The following ITPR3 variants were observed in gnomAD, a reference collection of about 807,000 sequenced individuals.
ITPR3 encodes the protein inositol 1,4,5-trisphosphate-gated calcium channel ITPR3.
A neutral mutation model predicts 293.2 loss-of-function variants in ITPR3; 173 were observed. That is an observed-to-expected ratio of 0.59 (90% CI 0.52 to 0.67). ITPR3 has a LOEUF of 0.67. ITPR3 is among the 30% of genes least tolerant of loss of function. ITPR3 has a pLI of 0.00. For missense variants in ITPR3, 2,796 were observed against 3,592.1 expected (o/e 0.78, Z 5.66); for synonymous variants, 1,295 against 1,444.4 (o/e 0.90, Z 2.35).
intron 7 of ITPR3, 57 bp downstream of exon 7, chr6:33,659,606 G>GCC: frequency 2.7e-6 from 4 of 1,454,930 alleles, no homozygotes; most frequent in South Asian, 2.3e-5. Context: ...CCCCACCAGG[G>GCC]CCCTCTTCCT....
At chr6:33,661,017 T>C (rs1402924555) in intron 7 of ITPR3, among the ~76,000 whole-genome samples, 1 of 152,198 alleles carries the variant, frequency 6.6e-6, no homozygotes, top group Non-Finnish European at 1.5e-5. Flanking sequence ...TAGAATTATT[T>C]CTGGGGAATC....
Position 33,670,544 on chromosome 6 carries a change from G to T in ITPR3, c.2409G>T (p.Trp803Cys). The T allele has an allele frequency of 1.9e-6, 3 of 1,593,656 alleles. No homozygotes were observed. The highest frequency in any genetic ancestry group is 2.6e-6 in the Non-Finnish European group (3 of 1,169,126). ...CGCCGGTCAAGTTTGCCCGTCTCTG[G>T]ACTGAGATCCCCACAGCCATCACCA... Reference protein sequence around the residue: ...LVTPVKFARLWTEIPTAITIK... With the variant: ...LVTPVKFARLCTEIPTAITIK... Residue 803 changes from tryptophan to cysteine, a missense_variant, in exon 19 of 58, where the codon TGG becomes TGT. By Grantham distance (215) the Trp-to-Cys change is radical (BLOSUM62 -2). Coordinates refer to ENST00000605930, the MANE Select transcript of ITPR3 (RefSeq NM_002224.4). This position sits in a 1 kb window ranked among gnomAD's most constrained non-coding sequence, Gnocchi z 6.7.
intron 1 of ITPR3, among the ~76,000 whole-genome samples, chr6:33,636,609 C>T (rs939324962): frequency 2.6e-5 from 4 of 151,730 alleles, no homozygotes; most frequent in Admixed American, 6.6e-5. Context: ...GAGTTGCCAT[C>T]GACTGAGATG....
intron 1 of ITPR3, among the ~76,000 whole-genome samples, chr6:33,626,225 G>A (rs1055412103): frequency 2.6e-5 from 4 of 152,104 alleles, no homozygotes; most frequent in Admixed American, 6.5e-5. Flanking sequence ...ATGAGCCGCC[G>A]TGCCTGGCCG....
chr6:33,665,760 A>G (rs1181679524), intron 13 of ITPR3, 75 bp from the exon 14 acceptor site: 32 of 1,545,158 alleles, frequency 2.1e-5, no homozygotes, highest in African/African-American at 2.7e-5. Flanking sequence ...ATGTTTTGGG[A>G]GGGACTGGCT....
chr6:33,646,734 A>G (rs1264055658), intron 2 of ITPR3, among the ~76,000 whole-genome samples: 1 of 152,072 alleles, frequency 6.6e-6, no homozygotes, highest in Admixed American at 6.6e-5. Flanking sequence ...CCTGGGCAAC[A>G]TGGCGAAACC....
Position 33,684,186 on chromosome 6 carries a change from G to A in ITPR3, c.4937+18G>A, listed in dbSNP as rs1054508669. The A allele has an allele frequency of 7.5e-6, 12 of 1,608,484 alleles. No individual in the cohort carries two copies. In the Admixed American group the frequency reaches 1.3e-4, roughly 18 times the overall value. On this transcript the variant is annotated intron_variant, in intron 36 of 57. Transcript: ENST00000605930. The surrounding 1 kb of genome is among the most constrained non-coding windows in gnomAD (Gnocchi z 4.2). ...CTGTCCAAGTGAGCGAGACACTGGGGCATGGGGGCAGCAGGGGTGCAGCGG... is the reference window on the plus strand; with the variant it reads ...CTGTCCAAGTGAGCGAGACACTGGGACATGGGGGCAGCAGGGGTGCAGCGG...
At chr6:33,629,028 C>T (rs562678761) in intron 1 of ITPR3, among the ~76,000 whole-genome samples, 1 of 152,256 alleles carries the variant, frequency 6.6e-6, no homozygotes, top group Non-Finnish European at 1.5e-5. Flanking sequence ...GTAGACTTTA[C>T]AGATCACTTA....
Position 33,683,103 on chromosome 6 carries a change from G to A in ITPR3, c.4598-104G>A, listed in dbSNP as rs960343187. 2 of 847,056 alleles carry A rather than the reference G, an allele frequency of 2.4e-6. No individual in the cohort carries two copies. Among genetic ancestry groups the A allele is most frequent in the Non-Finnish European group, 3.5e-6 (2 of 576,442 alleles). The allele number at this position is 847,056 out of a possible 1,614,324, so 52.5% of individuals were successfully genotyped here. A position where few individuals can be genotyped will look rare whatever the true frequency, so the allele number is the denominator to read the frequency against. On this transcript the variant is annotated intron_variant, in intron 34 of 57. Transcript: ENST00000605930. The surrounding 1 kb of genome is among the most constrained non-coding windows in gnomAD (Gnocchi z 4.5). The stretch of plus-strand genomic sequence containing the variant: ...GGGGTCTCTGTCTCCCAGACCCTTG[G>A]TCTAGTTCACTCTGTCTCCTGGTGT...
chr6:33,683,541 A>G lies in ITPR3; in HGVS notation c.4788+144A>G, dbSNP rs972854901. On this transcript the variant is annotated intron_variant, in intron 35 of 57. Coordinates refer to ENST00000605930, the MANE Select transcript of ITPR3 (RefSeq NM_002224.4). This position sits in a 1 kb window ranked among gnomAD's most constrained non-coding sequence, Gnocchi z 4.5. ...GGAAGGGGCTGGTTGGCTTCTCTAC[A>G]CTCTGGGGCTGCTAAGGGCCGACCC... 1 of 725,780 alleles carries G rather than the reference A, an allele frequency of 1.4e-6. No individual in the cohort carries two copies. The highest frequency in any genetic ancestry group is 2.1e-6 in the Non-Finnish European group (1 of 469,850). The allele number at this position is 725,780 out of a possible 1,614,324, so 45.0% of individuals were successfully genotyped here.
In ITPR3 at chr6:33,667,850, C is replaced by T. The variant is rs1764652858; in HGVS notation, c.1772C>T (p.Ala591Val). 6.2e-7 allele frequency: 1 copy of T among 1,614,048 alleles called. No homozygotes were observed. The highest frequency in any genetic ancestry group is 1.1e-5 in the South Asian group (1 of 91,082). ...TCCCAGATTGGCTACGACATCCTGG[C>T]CGAGGACACCATCACTGCCCTGCTG... ...MQSQIGYDIL[A>V]EDTITALLHN... The change falls in exon 16 of 58, where the codon GCC becomes GTC. Residue 591 changes from alanine to valine, a missense_variant. Transcript: ENST00000605930. The surrounding 1 kb of genome is among the most constrained non-coding windows in gnomAD (Gnocchi z 4.4).
In ITPR3 at chr6:33,633,648, C is replaced by T. The variant is rs1424564877; in HGVS notation, c.90-6836C>T. The stretch of plus-strand genomic sequence containing the variant: ...CGGCGTCCTGGCAGCGGCCGGCAGT[C>T]GGAGGCAGGCCGGGGCGAGGCCGCG... On this transcript the variant is annotated intron_variant, in intron 1 of 57. Coordinates refer to ENST00000605930, the MANE Select transcript of ITPR3 (RefSeq NM_002224.4). The surrounding 1 kb of genome is among the most constrained non-coding windows in gnomAD (Gnocchi z 5.2). Among the ~76,000 whole-genome samples the T allele has an allele frequency of 6.6e-6, 1 of 150,780 alleles. No homozygotes were observed. The highest frequency in any genetic ancestry group is 1.5e-5 in the Non-Finnish European group (1 of 67,596).
At chr6:33,644,265 A>G (rs1350946252) in intron 2 of ITPR3, among the ~76,000 whole-genome samples, 2 of 151,406 alleles carry the variant, frequency 1.3e-5, no homozygotes, top group Non-Finnish European at 2.9e-5. Context: ...CCTTTTTGCT[A>G]CGTTTATTTC....
At chr6:33,647,168 G>T (rs999846668) in intron 2 of ITPR3, among the ~76,000 whole-genome samples, 1 of 151,974 alleles carries the variant, frequency 6.6e-6, no homozygotes, top group East Asian at 1.9e-4. Context: ...CTACAGGTGC[G>T]TGCCACCATG....
chr6:33,685,996 C>A, intron 41 of ITPR3, 57 bp from the exon 42 acceptor site: 1 of 1,592,858 alleles, frequency 6.3e-7, no homozygotes, highest in Non-Finnish European at 8.6e-7. Flanking sequence ...GCTTCCCAGG[C>A]CAGCCTCCCT....
Position 33,685,746 on chromosome 6 carries a change from G to A in ITPR3, c.5586G>A (p.Glu1862=), listed in dbSNP as rs1371397484. The A allele has an allele frequency of 1.2e-6, 2 of 1,608,444 alleles. No individual in the cohort carries two copies. The highest frequency in any genetic ancestry group is 1.7e-6 in the Non-Finnish European group (2 of 1,176,390). ...HEVSERVQSS[E]MGTSVLIMQP... is the part of the protein sequence containing the mutation. The stretch of plus-strand genomic sequence containing the variant: ...TGAGCGAACGTGTGCAGAGCAGTGA[G>A]ATGGGCACATCCGTGCTCATCATGC... The change falls in exon 41 of 58, where the codon GAG becomes GAA. Residue 1862 remains glutamate (E), a synonymous_variant. Coordinates refer to ENST00000605930, the MANE Select transcript of ITPR3 (RefSeq NM_002224.4).
At position 33,655,520 on chromosome 6, in the gene ITPR3, G is replaced by A. The variant is rs1020419601; in HGVS notation, c.161-246G>A. Among the ~76,000 whole-genome samples the A allele has an allele frequency of 2.0e-5, 3 of 152,304 alleles. No homozygotes were observed. The highest frequency in any genetic ancestry group is 2.9e-5 in the Non-Finnish European group (2 of 68,020). On this transcript the variant is annotated intron_variant, in intron 2 of 57. Transcript: ENST00000605930. The surrounding 1 kb of genome is among the most constrained non-coding windows in gnomAD (Gnocchi z 4.9). ...TAAATCTCCTAGGGGAAGAGGGCAC[G>A]TGTCCACCCCACCAAGTGAGATGCA...
chr6:33,658,070 TGGGC>T lies in ITPR3; in HGVS notation c.369+53_369+56del. On this transcript the variant is annotated intron_variant, in intron 4 of 57. Transcript: ENST00000605930. This position sits in a 1 kb window ranked among gnomAD's most constrained non-coding sequence, Gnocchi z 6.1. ...CTGCCCCTCTCCCTGCCTAAGAGGC[TGGGC>T]TGGTGCTGGGTGAGGGCTGCCAGCA... 1 of 1,501,074 alleles carries T rather than the reference TGGGC, an allele frequency of 6.7e-7. No individual in the cohort carries two copies. The highest frequency in any genetic ancestry group is 9.2e-7 in the Non-Finnish European group (1 of 1,083,710). 93.0% of individuals were successfully genotyped at this position (1,501,074 alleles called of 1,614,324 possible).
rs150133961 is a variant in ITPR3 at position 33,695,008 on chromosome 6, A to G, written c.7870A>G (p.Ile2624Val). Residue 2624 changes from isoleucine to valine, a missense_variant, in exon 57 of 58, where the codon ATT (isoleucine) becomes GTT (valine). Physicochemically the swap from Ile to Val is conservative, Grantham distance 29. This residue lies in a region of ITPR3 where 568 missense variants were observed against 796.1 expected (regional missense o/e 0.71). Coordinates refer to ENST00000605930, the MANE Select transcript of ITPR3 (RefSeq NM_002224.4). The stretch of plus-strand genomic sequence containing the variant: ...CGAGGGGGAGCAGAATGAGATTCGG[A>G]TTCTCCAGGACAAGCTCAACTCCAC... ...EGEGEQNEIR[I>V]LQDKLNSTMK... 1 of 1,614,004 alleles carries G rather than the reference A, an allele frequency of 6.2e-7. No individual in the cohort carries two copies. The highest frequency in any genetic ancestry group is 1.3e-5 in the African/African-American group (1 of 75,000).
Sources: gnomAD v4.1 joint callset for allele counts (sites outside exome capture counted in the v4.1 genomes callset) on GRCh38, gnomAD v4.1.1 for gene constraint, gnomAD v4.1.1 regional missense constraint, Gnocchi (gnomAD v3.1) non-coding constraint, MANE v1.5 for transcripts, NCBI Gene and HGNC (gene_info 2026-07-23, HGNC 2026-07-21) for gene names.